Variants in SERPINF2 observed in about 807,000 individuals in gnomAD.
SERPINF2 encodes alpha-2-antiplasmin.
SERPINF2 carries 15 observed loss-of-function variants against 45.0 expected under a neutral mutation model. The ratio of observed to expected loss-of-function variants is 0.33; its 90% CI spans 0.22 to 0.51. SERPINF2 has a LOEUF of 0.51. Ranked by LOEUF, SERPINF2 falls within the 20% of genes least tolerant of loss-of-function variation. SERPINF2 has a pLI of 0.97. For synonymous variants in SERPINF2, 283 were observed against 277.9 expected (o/e 1.02, Z -0.18); for missense variants, 518 against 637.4 (o/e 0.81, Z 2.02).
At position 1,754,123 on chromosome 17, in the gene SERPINF2, C is replaced by T. The variant is rs1183295976; in HGVS notation, c.1065C>T (p.Gly355=). ...CCAGCCATCTCTGGCCCTGGGCAGG[C>T]CTGCAGGAGTTGTTCCAGGCCCCAG... ...MDLVATLSQL[G]LQELFQAPDL... Residue 355 remains glycine (G), a splice_region_variant and synonymous_variant, in exon 10 of 10, where the codon GGC becomes GGT. Transcript: ENST00000453066. 11 of 1,604,474 alleles carry T rather than the reference C, an allele frequency of 6.9e-6. No individual in the cohort carries two copies. The highest frequency in any genetic ancestry group is 2.2e-5 in the South Asian group (2 of 91,062).
Position 1,745,194 on chromosome 17 carries a change from T to C in SERPINF2, c.83T>C (p.Met28Thr), listed in dbSNP as rs1360184575. ...PCSVFSPVSAMEPLGRQLTSG... is the reference protein window; with the variant it reads ...PCSVFSPVSATEPLGRQLTSG... ...CCACAGTTCTCCCCTGTGAGCGCCATGGAGCCCTTGGGCCGGCAGGTACTG... is the reference window on the plus strand; with the variant it reads ...CCACAGTTCTCCCCTGTGAGCGCCACGGAGCCCTTGGGCCGGCAGGTACTG... Residue 28 changes from methionine to threonine, a missense_variant, in exon 3 of 10, where the codon ATG becomes ACG. Physicochemically the swap from Met to Thr is moderately conservative, Grantham distance 81. Around this residue, in one of 2 missense-constraint regions of SERPINF2, gnomAD observed 435 missense variants for 577.3 expected, o/e 0.75. Coordinates refer to ENST00000453066, the MANE Select transcript of SERPINF2 (RefSeq NM_000934.4). This position sits in a 1 kb window ranked among gnomAD's most constrained non-coding sequence, Gnocchi z 6.2. The C allele has an allele frequency of 1.3e-6, 2 of 1,533,034 alleles. No homozygotes were observed. Among genetic ancestry groups the C allele is most frequent in the East Asian group, 2.5e-5 (1 of 39,544 alleles). The allele number at this position is 1,533,034 out of a possible 1,614,324, so 95.0% of individuals were successfully genotyped here.
rs762606747 is a variant in SERPINF2 at position 1,745,666 on chromosome 17, G to T, written c.166-42G>T. On this transcript the variant is annotated intron_variant, in intron 4 of 9. Coordinates refer to ENST00000453066, the MANE Select transcript of SERPINF2 (RefSeq NM_000934.4). This position sits in a 1 kb window ranked among gnomAD's most constrained non-coding sequence, Gnocchi z 6.2. ...CAAGGCCTTCAACACAGAACCTGGA[G>T]CTGACCCCTTGACCTCCCTGACCCC... 6.3e-7 allele frequency: 1 copy of T among 1,588,826 alleles called. No individual in the cohort carries two copies.
intron 7 of SERPINF2, among the ~76,000 whole-genome samples, chr17:1,747,853 C>T (rs1008331473): frequency 5.9e-5 from 9 of 151,710 alleles, no homozygotes; most frequent in African/African-American, 1.4e-4. Flanking sequence ...CGTGAGCCAC[C>T]GCGCCCGGCC....
chr17:1,743,605 C>T (rs1905496748), intron 1 of SERPINF2, among the ~76,000 whole-genome samples: 2 of 150,714 alleles, frequency 1.3e-5, no homozygotes, highest in Non-Finnish European at 2.9e-5. Context: ...ATCCCAGCTA[C>T]TCGGGAGGCT....
At chr17:1,752,825 A>C in intron 9 of SERPINF2, 35 bp downstream of exon 9, 1 of 1,558,712 alleles carries the variant, frequency 6.4e-7, no homozygotes, top group Non-Finnish European at 8.7e-7. Context: ...CCCCGAGGTC[A>C]GGCTGGGCAG....
chr17:1,747,950 C>G (rs1386240580), intron 7 of SERPINF2, among the ~76,000 whole-genome samples: 1 of 151,734 alleles, frequency 6.6e-6, no homozygotes, highest in Non-Finnish European at 1.5e-5. Context: ...GGATGGGTGC[C>G]CAGGAGCCAG....
Position 1,745,708 on chromosome 17 carries a change from G to A in SERPINF2, c.166G>A (p.Glu56Lys). The change falls in exon 5 of 10, where the codon GAG (glutamate) becomes AAG (lysine). Residue 56 changes from glutamate (E) to lysine (K), a missense_variant and splice_region_variant. Glu to Lys is a moderately conservative substitution (Grantham distance 56). Transcript: ENST00000453066. This position sits in a 1 kb window ranked among gnomAD's most constrained non-coding sequence, Gnocchi z 6.2. ...CCTGACCCCTGATCTGTCCCTGCAG[G>A]AGCCTGGTGGCCAGACTGCCCTGAA... ...PLTLLKLGNQ[E>K]PGGQTALKSP... The A allele has an allele frequency of 6.2e-7, 1 of 1,613,234 alleles. No homozygotes were observed. The highest frequency in any genetic ancestry group is 8.5e-7 in the Non-Finnish European group (1 of 1,179,980).
In SERPINF2 at chr17:1,745,776, G is replaced by A. The variant is rs767644335; in HGVS notation, c.234G>A (p.Gln78=). 10 of 1,614,022 alleles carry A rather than the reference G, an allele frequency of 6.2e-6. No individual in the cohort carries two copies. In the South Asian group the frequency reaches 1.1e-4, roughly 18 times the overall value. Residue 78 remains glutamine (Q), a synonymous_variant, in exon 5 of 10, where the codon CAG becomes CAA. Transcript: ENST00000453066. The surrounding 1 kb of genome is among the most constrained non-coding windows in gnomAD (Gnocchi z 6.2). The part of the protein sequence containing the change: ...GVCSRDPTPE[Q]THRLARAMMA... ...GCAGCAGAGACCCCACCCCAGAGCA[G>A]ACCCACAGGCTGGCCCGGGCCATGA...
intron 9 of SERPINF2, 134 bp downstream of exon 9, chr17:1,752,924 G>C (rs1452538021): frequency 3.9e-6 from 3 of 772,442 alleles, no homozygotes; most frequent in Non-Finnish European, 6.2e-6. Flanking sequence ...CGGGAGCGGG[G>C]AGAGGGTTGA....
Position 1,747,013 on chromosome 17 carries a change from C to T in SERPINF2, c.368-6C>T. The T allele has an allele frequency of 1.2e-6, 2 of 1,604,860 alleles. No individual in the cohort carries two copies. Among genetic ancestry groups the T allele is most frequent in the Non-Finnish European group, 1.7e-6 (2 of 1,179,760 alleles). On this transcript the variant is annotated splice_polypyrimidine_tract_variant and splice_region_variant and intron_variant, in intron 5 of 9. Coordinates refer to ENST00000453066, the MANE Select transcript of SERPINF2 (RefSeq NM_000934.4). ...GCCGGGCCTCAGCCTGTGCGGTGCCCTCCAGGTGCTCAGAACCACACGTTG... is the reference window on the plus strand; with the variant it reads ...GCCGGGCCTCAGCCTGTGCGGTGCCTTCCAGGTGCTCAGAACCACACGTTG...
Position 1,754,630 on chromosome 17 carries a change from C to CG in SERPINF2, c.*101dup. The CG allele has an allele frequency of 7.3e-7, 1 of 1,371,942 alleles. No individual in the cohort carries two copies. The highest frequency in any genetic ancestry group is 1.3e-5 in the South Asian group (1 of 76,476). 85.0% of individuals were successfully genotyped at this position (1,371,942 alleles called of 1,614,324 possible). A position where few individuals can be genotyped will look rare whatever the true frequency, so the allele number is the denominator to read the frequency against. ...GGCTTTGTGGCACTGGGGCAGGGGC[C>CG]GGGGGCAGTCTGAGAGAGGCCATTC... On this transcript the variant is annotated 3_prime_UTR_variant, in exon 10 of 10. Transcript: ENST00000453066.
intron 5 of SERPINF2, among the ~76,000 whole-genome samples, chr17:1,746,327 A>T (rs967702424): frequency 2.0e-5 from 3 of 151,880 alleles, no homozygotes; most frequent in Non-Finnish European, 4.4e-5. Flanking sequence ...AAACAACAAC[A>T]ACAACAAATG....
chr17:1,744,914 T>C, intron 1 of SERPINF2, 78 bp from the exon 2 acceptor site: 1 of 1,609,134 alleles, frequency 6.2e-7, no homozygotes, highest in South Asian at 1.1e-5. Flanking sequence ...CTTGGCGTTA[T>C]CTGTGATCGC....
chr17:1,754,432 G>T lies in SERPINF2; in HGVS notation c.1374G>T (p.Gln458His). 6.2e-7 allele frequency: 1 copy of T among 1,612,038 alleles called. No homozygotes were observed. The highest frequency in any genetic ancestry group is 8.5e-7 in the Non-Finnish European group (1 of 1,178,456). Reference sequence around the variant, plus strand: ...CCCCGGGCAACAAGGACTTCCTCCAGAGCCTGAAAGGCTTCCCCCGCGGAG... The same window carrying T: ...CCCCGGGCAACAAGGACTTCCTCCATAGCCTGAAAGGCTTCCCCCGCGGAG... ...QDSPGNKDFL[Q>H]SLKGFPRGDK... is the part of the protein sequence containing the mutation. Residue 458 changes from glutamine (Q) to histidine (H), a missense_variant, in exon 10 of 10, where the codon CAG becomes CAT. Gln to His is a conservative substitution (Grantham distance 24). Transcript: ENST00000453066.
chr17:1,747,540 C>A, intron 7 of SERPINF2, 28 bp downstream of exon 7: 1 of 1,607,848 alleles, frequency 6.2e-7, no homozygotes, highest in Non-Finnish European at 8.5e-7. Flanking sequence ...TCAGATCCCC[C>A]ACCCTGTAGG....
chr17:1,754,033 T>C, intron 9 of SERPINF2, 89 bp from the exon 10 acceptor site: 2 of 1,493,734 alleles, frequency 1.3e-6, no homozygotes, highest in South Asian at 1.1e-5. Flanking sequence ...AGCTGTTCCC[T>C]GGCCAGGATC....
At position 1,754,365 on chromosome 17, in the gene SERPINF2, C is replaced by T. The variant is rs1483953115; in HGVS notation, c.1307C>T (p.Pro436Leu). Residue 436 changes from proline to leucine, a missense_variant, in exon 10 of 10, where the codon CCC becomes CTC. This residue lies in a region of SERPINF2 where 435 missense variants were observed against 577.3 expected (regional missense o/e 0.75). Coordinates refer to ENST00000453066, the MANE Select transcript of SERPINF2 (RefSeq NM_000934.4). ...CTCTTCGTGGGCAGCGTGAGGAACC[C>T]CAACCCCAGTGCACCGCGGGAGCTC... ...LPLFVGSVRN[P>L]NPSAPRELKE... The T allele has an allele frequency of 6.2e-7, 1 of 1,614,098 alleles. No homozygotes were observed. The highest frequency in any genetic ancestry group is 1.3e-5 in the African/African-American group (1 of 74,952).
chr17:1,754,267 C>A lies in SERPINF2; in HGVS notation c.1209C>A (p.Arg403=). 3.1e-6 allele frequency: 5 copies of A among 1,614,170 alleles called. No homozygotes were observed. Among genetic ancestry groups the A allele is most frequent in the South Asian group, 1.1e-5 (1 of 91,088 alleles). Residue 403 remains arginine (R), a synonymous_variant, in exon 10 of 10, where the codon CGC becomes CGA. Transcript: ENST00000453066. The part of the protein sequence containing the change: ...AAAATSIAMS[R]MSLSSFSVNR... Reference sequence around the variant, plus strand: ...CGGCCACCAGCATTGCCATGTCCCGCATGTCCCTGTCCTCCTTCAGCGTGA... The same window carrying A: ...CGGCCACCAGCATTGCCATGTCCCGAATGTCCCTGTCCTCCTTCAGCGTGA...
chr17:1,745,296 G>A lies in SERPINF2; in HGVS notation c.103-37G>A. Reference sequence around the variant, plus strand: ...CTTGGGCAGGGTGGGGGGCCTGTGGGAAGGGTCGGTCTCCATCTGCTTGCT... The same window carrying A: ...CTTGGGCAGGGTGGGGGGCCTGTGGAAAGGGTCGGTCTCCATCTGCTTGCT... On this transcript the variant is annotated intron_variant, in intron 3 of 9. Coordinates refer to ENST00000453066, the MANE Select transcript of SERPINF2 (RefSeq NM_000934.4). This position sits in a 1 kb window ranked among gnomAD's most constrained non-coding sequence, Gnocchi z 6.2. 1.2e-6 allele frequency: 2 copies of A among 1,612,308 alleles called. No individual in the cohort carries two copies. The highest frequency in any genetic ancestry group is 1.7e-6 in the Non-Finnish European group (2 of 1,179,632).
Sources: gnomAD v4.1 joint callset for allele counts (sites outside exome capture counted in the v4.1 genomes callset) on GRCh38, gnomAD v4.1.1 for gene constraint, gnomAD v4.1.1 regional missense constraint, Gnocchi (gnomAD v3.1) non-coding constraint, MANE v1.5 for transcripts, NCBI Gene and HGNC (gene_info 2026-07-23, HGNC 2026-07-21) for gene names.